Variants in KIF5B observed in about 807,000 individuals in gnomAD.
The protein encoded by KIF5B is kinesin family member 5B.
In KIF5B, 49 loss-of-function variants were observed where a neutral mutation model predicts 132.8. The ratio of observed to expected loss-of-function variants is 0.37; its 90% confidence interval spans 0.29 to 0.47. The LOEUF (loss-of-function observed/expected upper bound fraction) is 0.47. KIF5B is among the 20% of genes least tolerant of loss of function. KIF5B has a pLI of 1.00. For synonymous variants in KIF5B, 355 were observed against 369.4 expected (o/e 0.96, Z 0.45); for missense variants, 780 against 1,144.0 (o/e 0.68, Z 4.59).
chr10:32,036,081 A>G, intron 8 of KIF5B, 87 bp from the exon 9 acceptor site: 1 of 793,568 alleles, frequency 1.3e-6, no homozygotes, highest in East Asian at 2.9e-5. Context: ...TGTCATCAAT[A>G]ACCAGTAAAA....
chr10:32,028,716 T>C, intron 14 of KIF5B, 145 bp from the exon 15 acceptor site: 1 of 630,198 alleles, frequency 1.6e-6, no homozygotes, highest in Non-Finnish European at 2.6e-6. Flanking sequence ...ATCTACCAGG[T>C]TCTGGGCTCC....
At chr10:32,028,291 G>A (rs1841358271) in intron 15 of KIF5B, 137 bp downstream of exon 15, 6 of 632,896 alleles carry the variant, frequency 9.5e-6, no homozygotes, top group South Asian at 2.5e-5. Flanking sequence ...TTTAAAATGC[G>A]GTTAATAACA....
At position 32,026,148 on chromosome 10, in the gene KIF5B, C is replaced by T. The variant is rs545598768; in HGVS notation, c.1725+2280G>A. Among the ~76,000 whole-genome samples the T allele has an allele frequency of 3.9e-5, 6 of 152,122 alleles. No homozygotes were observed. In the South Asian group the frequency reaches 1.2e-3, roughly 32 times the overall value. ...ACTGTAAACTGTAACTTAAGAACAA[C>T]AACAGGCCGGGCGCAGTGGCTCATG... On this transcript the variant is annotated intron_variant, in intron 15 of 25. Coordinates refer to ENST00000302418, the MANE Select transcript of KIF5B (RefSeq NM_004521.3).
intron 25 of KIF5B, 41 bp from the exon 26 acceptor site, chr10:32,011,557 T>C (rs1280803134): frequency 2.0e-5 from 3 of 152,216 alleles, no homozygotes; most frequent in Non-Finnish European, 4.4e-5. Flanking sequence ...TGTTTAGTTT[T>C]ACAAAATTGG....
intron 15 of KIF5B, among the ~76,000 whole-genome samples, chr10:32,025,661 C>T (rs997030486): frequency 6.6e-6 from 1 of 152,232 alleles, no homozygotes; most frequent in African/African-American, 2.4e-5. Flanking sequence ...CAGGCATGAG[C>T]CACCATGCTC....
intron 13 of KIF5B, 47 bp from the exon 14 acceptor site, chr10:32,031,326 TAA>T (rs1182347320): frequency 7.0e-7 from 1 of 1,432,684 alleles, no homozygotes; most frequent in East Asian, 2.3e-5. Context: ...ATACAGGTTT[TAA>T]AAAACACCCA....
At chr10:32,041,953 C>T (rs1294628992) in intron 2 of KIF5B, among the ~76,000 whole-genome samples, 1 of 152,108 alleles carries the variant, frequency 6.6e-6, no homozygotes, top group Non-Finnish European at 1.5e-5. Context: ...TTTTTCTAGC[C>T]TCTGACATTA....
chr10:32,016,018 C>T (rs1200628550), intron 24 of KIF5B, among the ~76,000 whole-genome samples: 3 of 151,966 alleles, frequency 2.0e-5, no homozygotes, highest in Non-Finnish European at 2.9e-5. Flanking sequence ...GTGGCGTGCA[C>T]CTGTAGTCCC....
rs1465400011 is a variant in KIF5B, at chr10:32,042,154, T to C, written c.215-1697A>G. Reference sequence around the variant, plus strand: ...GGAAACAGCATATAACAGTGAAAAGTAAACTAATAAGCAAGCCAATCCTTG... The same window carrying C: ...GGAAACAGCATATAACAGTGAAAAGCAAACTAATAAGCAAGCCAATCCTTG... On this transcript the variant is annotated intron_variant, in intron 2 of 25. Coordinates refer to ENST00000302418, the MANE Select transcript of KIF5B (RefSeq NM_004521.3). Among the ~76,000 whole-genome samples, 5 of 151,934 alleles carry C rather than the reference T, an allele frequency of 3.3e-5. No individual in the cohort carries two copies. The East Asian group carries it at 9.7e-4, about 29-fold the overall frequency.
intron 1 of KIF5B, among the ~76,000 whole-genome samples, chr10:32,054,191 A>G (rs1419684937): frequency 6.6e-6 from 1 of 152,252 alleles, no homozygotes; most frequent in Non-Finnish European, 1.5e-5. Flanking sequence ...AGTACTGTAA[A>G]CCACAAAAAC....
rs536952146 is a variant in KIF5B, at chr10:32,025,285, T to C, written c.1726-2249A>G. Among the ~76,000 whole-genome samples, 4 of 152,340 alleles carry C rather than the reference T, an allele frequency of 2.6e-5. No homozygotes were observed. In the South Asian group the frequency reaches 8.3e-4, roughly 32 times the overall value. ...ACCATTTGGGAGTTCCTTACAAAGC[T>C]AACATAGTCATAACGTACAACCTAG... On this transcript the variant is annotated intron_variant, in intron 15 of 25. Transcript: ENST00000302418.
At position 32,042,592 on chromosome 10, in the gene KIF5B, A is replaced by G. The variant is rs144505579; in HGVS notation, c.215-2135T>C. ...TTTAACTCCTAACACAGTGCCTGGC[A>G]CTCCAGAGGAACTCAAATGCTTGCT... On this transcript the variant is annotated intron_variant, in intron 2 of 25. Transcript: ENST00000302418. Among the ~76,000 whole-genome samples, 21 of 152,288 alleles carry G rather than the reference A, an allele frequency of 1.4e-4. No homozygotes were observed. In the East Asian group the frequency reaches 4.0e-3, roughly 29 times the overall value.
chr10:32,028,407 ATACT>A lies in KIF5B; in HGVS notation c.1725+17_1725+20del, dbSNP rs1444716335. On this transcript the variant is annotated intron_variant, in intron 15 of 25. Coordinates refer to ENST00000302418, the MANE Select transcript of KIF5B (RefSeq NM_004521.3). The stretch of plus-strand genomic sequence containing the variant: ...CAGTGTATACAGATAATTGTCCTTA[ATACT>A]TAGTTATTATATTTACCTTTACATC... 6.9e-6 allele frequency: 11 copies of A among 1,587,346 alleles called. No homozygotes were observed. Among genetic ancestry groups the A allele is most frequent in the Admixed American group, 5.1e-5 (3 of 58,768 alleles).
At chr10:32,053,088 T>C (rs1016234942) in intron 1 of KIF5B, among the ~76,000 whole-genome samples, 4 of 152,272 alleles carry the variant, frequency 2.6e-5, no homozygotes, top group East Asian at 1.9e-4. Flanking sequence ...TCTTAAATCA[T>C]GTTTTTAAAA....
chr10:32,035,459 T>C, intron 10 of KIF5B, 63 bp downstream of exon 10: 2 of 1,425,092 alleles, frequency 1.4e-6, no homozygotes. Context: ...GCTCACATTT[T>C]CCTACATTTT....
At chr10:32,044,346 G>A (rs1281627509) in intron 2 of KIF5B, among the ~76,000 whole-genome samples, 1 of 152,160 alleles carries the variant, frequency 6.6e-6, no homozygotes, top group African/African-American at 2.4e-5. Flanking sequence ...ATACAAACAC[G>A]ACTGATTGAA....
chr10:32,035,267 C>G (rs75951470), intron 10 of KIF5B, among the ~76,000 whole-genome samples: 1,886 of 152,256 alleles, frequency 0.012, 37 homozygotes, highest in African/African-American at 0.043. Context: ...GATTCAAATG[C>G]TTATTTTCTT....
chr10:32,028,605 T>C (rs1175597456), intron 14 of KIF5B, 34 bp from the exon 15 acceptor site: 3 of 1,567,860 alleles, frequency 1.9e-6, no homozygotes, highest in Non-Finnish European at 2.6e-6. Context: ...TATAGTTAAA[T>C]CTACTACATG....
chr10:32,033,184 C>T (rs181674734), intron 12 of KIF5B, among the ~76,000 whole-genome samples: 1 of 152,142 alleles, frequency 6.6e-6, no homozygotes, highest in African/African-American at 2.4e-5. Context: ...TCTCTCACAT[C>T]ATCTTTTATT....
Sources: allele counts gnomAD v4.1 joint callset (sites outside exome capture counted in the v4.1 genomes callset), GRCh38; gene constraint gnomAD v4.1.1; transcripts MANE v1.5; gene names NCBI Gene and HGNC (gene_info 2026-07-23, HGNC 2026-07-21).